PRKX: variants seen among roughly 807,000 people sequenced by gnomAD.
PRKX encodes protein kinase cAMP-dependent X-linked catalytic subunit.
In PRKX, 12 loss-of-function variants were observed where a neutral mutation model predicts 22.0. The ratio of observed to expected loss-of-function variants is 0.54; its 90% CI spans 0.35 to 0.88. The LOEUF (loss-of-function observed/expected upper bound fraction) is 0.88, where lower values mean the gene tolerates loss of function less well. Among genes scored for constraint, PRKX ranks in the 40% least tolerant of loss-of-function variants. The pLI, the probability that PRKX is intolerant of heterozygous loss-of-function variation, is 0.01. For missense variants in PRKX, 217 were observed against 308.0 expected (o/e 0.70, Z 2.21); for synonymous variants, 134 against 137.7 (o/e 0.97, Z 0.19).
chrX:3,643,142 C>G (rs1460672819), intron 3 of PRKX, among the ~76,000 whole-genome samples: 1 of 65,459 alleles, frequency 1.5e-5, no homozygotes, highest in African/African-American at 7.2e-5. Context: ...TTTCTTGCCC[C>G]CTGGAAACCA....
At chrX:3,701,885 T>C (rs933711266) in intron 1 of PRKX, among the ~76,000 whole-genome samples, 4 of 111,816 alleles carry the variant, frequency 3.6e-5, no homozygotes, top group Non-Finnish European at 7.5e-5. Flanking sequence ...TTACCCTATT[T>C]GGTCTAAAAA....
At chrX:3,630,695 A>C (rs1316810106) in intron 4 of PRKX, among the ~76,000 whole-genome samples, 1 of 111,998 alleles carries the variant, frequency 8.9e-6, no homozygotes, top group African/African-American at 3.2e-5. Flanking sequence ...AGATGAGTGA[A>C]AGCGAGCAAA....
In PRKX at chrX:3,713,538, G is replaced by T; in HGVS notation, c.-285C>A. The T allele has an allele frequency of 9.8e-6, 2 of 205,101 alleles. No individual in the cohort carries two copies. Among genetic ancestry groups the T allele is most frequent in the Non-Finnish European group, 1.8e-5 (2 of 111,747 alleles). 16.9% of individuals were successfully genotyped at this position (205,101 alleles called of 1,213,427 possible). ...GACTGCGGGGAAGGCGGGGGCCGCG[G>T]CCCGGGCTGGGGGGGGCGAGGCGGG... On this transcript the variant is annotated 5_prime_UTR_variant, in exon 1 of 9. Transcript: ENST00000262848.
intron 1 of PRKX, among the ~76,000 whole-genome samples, chrX:3,692,417 G>A (rs755737086): frequency 9.0e-5 from 10 of 110,759 alleles, no homozygotes; most frequent in South Asian, 7.7e-4. Flanking sequence ...CCGTAGTATC[G>A]CCTGCAATGA....
At chrX:3,704,270 T>C (rs963604983) in intron 1 of PRKX, among the ~76,000 whole-genome samples, 9 of 112,254 alleles carry the variant, frequency 8.0e-5, no homozygotes, top group African/African-American at 2.9e-4. Flanking sequence ...ACCAAATTCA[T>C]CCACATGCCC....
chrX:3,617,174 A>T (rs188272787), intron 6 of PRKX, among the ~76,000 whole-genome samples: 198 of 110,665 alleles, frequency 1.8e-3, no homozygotes, highest in African/African-American at 6.0e-3. Context: ...ACGTTAATAT[A>T]TACACATTAA....
intron 2 of PRKX, among the ~76,000 whole-genome samples, chrX:3,657,071 G>C (rs1927496208): frequency 1.8e-5 from 2 of 111,937 alleles, no homozygotes; most frequent in Non-Finnish European, 3.8e-5. Context: ...CATAGCTTTG[G>C]GGGTTACTGT....
chrX:3,673,570 G>A (rs1927890182), intron 2 of PRKX, among the ~76,000 whole-genome samples: 1 of 110,517 alleles, frequency 9.0e-6, no homozygotes, highest in South Asian at 3.9e-4. Flanking sequence ...GCAGAGAGAC[G>A]GGACCCAGAT....
intron 3 of PRKX, among the ~76,000 whole-genome samples, chrX:3,650,520 CAAAAAAAAA>C (rs748871957): frequency 3.4e-4 from 13 of 37,854 alleles, no homozygotes; most frequent in Admixed American, 1.6e-3. Flanking sequence ...GACTCCTCTC[CAAAAAAAAA>C]AAAAAAAAAA....
chrX:3,618,376 G>A (rs74330862), intron 6 of PRKX, among the ~76,000 whole-genome samples: 11,628 of 111,249 alleles, frequency 0.1, 575 homozygotes, highest in Middle Eastern at 0.19. Flanking sequence ...CTAGCACTTT[G>A]TGAGGCCAAG....
Position 3,644,615 on chromosome X carries a change from T to C in PRKX, c.600-2644A>G, listed in dbSNP as rs899555704. On this transcript the variant is annotated intron_variant, in intron 3 of 8. Coordinates refer to ENST00000262848, the MANE Select transcript of PRKX (RefSeq NM_005044.5). ...CACTCATTAGAATTAAGTCTACAAA[T>C]GGAAAGTACAATGCGCACTATTTTA... Among the ~76,000 whole-genome samples the C allele has an allele frequency of 3.6e-5, 4 of 110,539 alleles. No homozygotes were observed. The Admixed American group carries it at 3.9e-4, about 11-fold the overall frequency.
chrX:3,692,588 C>G (rs1440687597), intron 1 of PRKX, among the ~76,000 whole-genome samples: 1 of 100,894 alleles, frequency 9.9e-6, no homozygotes. Context: ...AGTGCAGTGG[C>G]GCGATCTCAG....
intron 1 of PRKX, among the ~76,000 whole-genome samples, chrX:3,685,779 C>T (rs950427017): frequency 1.8e-5 from 2 of 110,188 alleles, no homozygotes; most frequent in African/African-American, 6.6e-5. Context: ...GGCTCGGTGG[C>T]GCATGTCTGT....
chrX:3,622,585 G>A (rs1055933877), intron 5 of PRKX, among the ~76,000 whole-genome samples: 5 of 110,622 alleles, frequency 4.5e-5, no homozygotes, highest in Non-Finnish European at 5.7e-5. Flanking sequence ...CTGTCTGATC[G>A]GAAATTTTAC....
chrX:3,634,719 GTCTC>G (rs1208362527), intron 4 of PRKX, among the ~76,000 whole-genome samples: 1 of 111,188 alleles, frequency 9.0e-6, no homozygotes, highest in Admixed American at 9.6e-5. Context: ...TAGAGACAGG[GTCTC>G]TCTGTCACCC....
At chrX:3,702,108 A>G (rs1388190561) in intron 1 of PRKX, among the ~76,000 whole-genome samples, 5 of 111,493 alleles carry the variant, frequency 4.5e-5, no homozygotes, top group Admixed American at 1.9e-4. Context: ...TGGTGTCTGG[A>G]TATGGACCCC....
At chrX:3,695,909 C>G in intron 1 of PRKX, among the ~76,000 whole-genome samples, 1 of 111,663 alleles carries the variant, frequency 9.0e-6, no homozygotes, top group South Asian at 3.8e-4. Context: ...TGGAGTGCCA[C>G]CACCCCGCTG....
At chrX:3,629,267 T>A (rs1280181520) in intron 4 of PRKX, among the ~76,000 whole-genome samples, 1 of 109,096 alleles carries the variant, frequency 9.2e-6, no homozygotes, top group African/African-American at 3.3e-5. Flanking sequence ...TGAGACAGGG[T>A]CTTGCTCTGT....
intron 3 of PRKX, among the ~76,000 whole-genome samples, chrX:3,645,244 T>C (rs1351139653): frequency 9.0e-6 from 1 of 111,121 alleles, no homozygotes; most frequent in East Asian, 2.8e-4. Context: ...GTTTTCTCAC[T>C]GTTCTTAGTT....
Sources: allele counts gnomAD v4.1 joint callset (sites outside exome capture counted in the v4.1 genomes callset), GRCh38; gene constraint gnomAD v4.1.1; transcripts MANE v1.5; gene names NCBI Gene and HGNC (gene_info 2026-07-23, HGNC 2026-07-21).